Variants in SLC7A2 observed in about 807,000 individuals in gnomAD.
SLC7A2 encodes cationic amino acid transporter 2.
A neutral mutation model predicts 58.9 loss-of-function variants in SLC7A2; 48 were observed. The observed-to-expected ratio is 0.82, with a 90% CI of 0.65 to 1.04. The LOEUF (loss-of-function observed/expected upper bound fraction) is 1.04. Among genes scored for constraint, SLC7A2 ranks in the 50% least tolerant of loss-of-function variants. The pLI is 0.00. For missense variants in SLC7A2, 1,029 were observed against 818.8 expected (o/e 1.26, Z -3.13); for synonymous variants, 363 against 314.5 (o/e 1.15, Z -1.63).
chr8:17,534,404 A>G (rs2588232), intron 2 of SLC7A2, among the ~76,000 whole-genome samples: 90,242 of 151,928 alleles, frequency 0.59, 26,972 homozygotes, highest in Admixed American at 0.66. Flanking sequence ...TGTCATCACA[A>G]CGGATAACCA....
rs1344892811 is a variant in SLC7A2 at position 17,568,475 on chromosome 8, T to C, written c.*3329T>C. On this transcript the variant is annotated 3_prime_UTR_variant, in exon 13 of 13. Coordinates refer to ENST00000494857, the MANE Select transcript of SLC7A2 (RefSeq NM_001370338.1). ...GATATATATGAAAAAGTAACATTAA[T>C]ATATAGAACTTTACCATCACCAGCC... 1 of 152,126 alleles carries C rather than the reference T, an allele frequency of 6.6e-6. No individual in the cohort carries two copies. Among genetic ancestry groups the C allele is most frequent in the East Asian group, 1.9e-4 (1 of 5,196 alleles). 9.4% of individuals were successfully genotyped at this position (152,126 alleles called of 1,614,324 possible).
At chr8:17,557,786 C>A (rs1369967366) in intron 8 of SLC7A2, among the ~76,000 whole-genome samples, 1 of 152,112 alleles carries the variant, frequency 6.6e-6, no homozygotes, top group East Asian at 1.9e-4. Context: ...CGAGATCGCA[C>A]CACTGCACTC....
At position 17,544,448 on chromosome 8, in the gene SLC7A2, A is replaced by T. The variant is rs1405198449; in HGVS notation, c.377-3A>T. Reference sequence around the variant, plus strand: ...TTCGTATTCTCTGTTCTGTTTTGGGAAGGTACATCAAGTGTTGCAAGAGCC... The same window carrying T: ...TTCGTATTCTCTGTTCTGTTTTGGGTAGGTACATCAAGTGTTGCAAGAGCC... On this transcript the variant is annotated splice_polypyrimidine_tract_variant and splice_region_variant and intron_variant, in intron 3 of 12. Transcript: ENST00000494857. The T allele has an allele frequency of 6.2e-7, 1 of 1,613,006 alleles. No individual in the cohort carries two copies. The highest frequency in any genetic ancestry group is 1.3e-5 in the African/African-American group (1 of 74,904).
At chr8:17,520,957 A>T (rs1800990344) in intron 2 of SLC7A2, among the ~76,000 whole-genome samples, 1 of 152,150 alleles carries the variant, frequency 6.6e-6, no homozygotes, top group Non-Finnish European at 1.5e-5. Flanking sequence ...GATACATGTT[A>T]CGGAAATGAC....
At chr8:17,540,934 A>G (rs941978946) in intron 2 of SLC7A2, among the ~76,000 whole-genome samples, 1 of 152,130 alleles carries the variant, frequency 6.6e-6, no homozygotes, top group Admixed American at 6.5e-5. Flanking sequence ...TCTTTTTCTC[A>G]TAAAAGTCAA....
chr8:17,544,135 G>C (rs191636343), intron 3 of SLC7A2, among the ~76,000 whole-genome samples: 83 of 152,320 alleles, frequency 5.4e-4, no homozygotes, highest in Admixed American at 4.6e-3. Context: ...CTCCCAAAGT[G>C]CTGGGATTGC....
At chr8:17,506,893 C>T (rs1800387914) in intron 2 of SLC7A2, among the ~76,000 whole-genome samples, 1 of 151,146 alleles carries the variant, frequency 6.6e-6, no homozygotes, top group Admixed American at 6.6e-5. Flanking sequence ...TCAGACCATT[C>T]TGTTTTTGTG....
chr8:17,512,862 C>T (rs1384015956), intron 2 of SLC7A2, among the ~76,000 whole-genome samples: 1 of 152,178 alleles, frequency 6.6e-6, no homozygotes, highest in East Asian at 1.9e-4. Context: ...GCTCTAGGAA[C>T]TTTATACATG....
At chr8:17,555,147 T>C in intron 8 of SLC7A2, 1 of 1,497,030 alleles carries the variant, frequency 6.7e-7, no homozygotes, top group Non-Finnish European at 9.2e-7. Context: ...ATGCATGGAC[T>C]TATAAAGAGG....
chr8:17,564,707 T>A (rs1362111930), intron 12 of SLC7A2, among the ~76,000 whole-genome samples: 3 of 152,138 alleles, frequency 2.0e-5, no homozygotes, highest in Non-Finnish European at 4.4e-5. Context: ...GTGGTAATGT[T>A]CACAATGGGG....
intron 2 of SLC7A2, among the ~76,000 whole-genome samples, chr8:17,518,279 T>C (rs538712533): frequency 6.6e-5 from 10 of 152,224 alleles, no homozygotes; most frequent in African/African-American, 2.4e-4. Flanking sequence ...CTCCATCGAT[T>C]CTGAGTTTCT....
At chr8:17,556,852 G>T (rs913273385) in intron 8 of SLC7A2, among the ~76,000 whole-genome samples, 1 of 152,066 alleles carries the variant, frequency 6.6e-6, no homozygotes, top group Admixed American at 6.5e-5. Flanking sequence ...CAGGTGATCT[G>T]CCCGGCCCCG....
chr8:17,496,826 C>T (rs893344800), upstream of SLC7A2, among the ~76,000 whole-genome samples: 7 of 152,110 alleles, frequency 4.6e-5, no homozygotes, highest in Non-Finnish European at 8.8e-5. Flanking sequence ...AGTTTATCCT[C>T]GCGCGCAGCC....
At chr8:17,548,061 G>A (rs182535678) in intron 4 of SLC7A2, among the ~76,000 whole-genome samples, 2 of 152,244 alleles carry the variant, frequency 1.3e-5, no homozygotes, top group East Asian at 1.9e-4. Flanking sequence ...CAACTGGGCC[G>A]GGCATTGTGG....
At chr8:17,511,367 G>C (rs1009987274) in intron 2 of SLC7A2, 1 of 152,164 alleles carries the variant, frequency 6.6e-6, no homozygotes, top group Non-Finnish European at 1.5e-5. Flanking sequence ...TCAGTGCCTA[G>C]GAAGAGGGAG....
intron 2 of SLC7A2, among the ~76,000 whole-genome samples, chr8:17,527,436 G>A (rs2150703469): frequency 6.6e-6 from 1 of 152,282 alleles, no homozygotes; most frequent in East Asian, 1.9e-4. Context: ...CAAGAAACGT[G>A]TAATCTAAAG....
chr8:17,557,379 G>A (rs918831692), intron 8 of SLC7A2, among the ~76,000 whole-genome samples: 2 of 152,078 alleles, frequency 1.3e-5, no homozygotes, highest in African/African-American at 4.8e-5. Context: ...TTGTCTCTTA[G>A]TATTTTGGGA....
chr8:17,514,615 T>G (rs547275644), intron 2 of SLC7A2, among the ~76,000 whole-genome samples: 5 of 152,314 alleles, frequency 3.3e-5, no homozygotes, highest in Admixed American at 6.5e-5. Flanking sequence ...AAACTCAATT[T>G]TGCTTGGTAG....
At chr8:17,521,255 T>TG (rs1264365948) in intron 2 of SLC7A2, among the ~76,000 whole-genome samples, 3 of 152,182 alleles carry the variant, frequency 2.0e-5, no homozygotes, top group African/African-American at 7.2e-5. Flanking sequence ...GGGAAATACT[T>TG]GTAGAGCTTA....
Sources: gnomAD v4.1 joint callset for allele counts (sites outside exome capture counted in the v4.1 genomes callset) on GRCh38, gnomAD v4.1.1 for gene constraint, MANE v1.5 for transcripts, NCBI Gene and HGNC (gene_info 2026-07-23, HGNC 2026-07-21) for gene names.